The following INSC variants were observed in gnomAD, a reference collection of about 807,000 sequenced individuals.
INSC encodes the protein INSC spindle orientation adaptor protein, also known as protein inscuteable homolog.
Under a neutral mutation model 58.6 loss-of-function variants are expected in INSC, and 67 were observed. The ratio of observed to expected loss-of-function variants is 1.14; its 90% confidence interval spans 0.94 to 1.40. The LOEUF (loss-of-function observed/expected upper bound fraction) is 1.40, where lower values mean the gene tolerates loss of function less well. Ranked by LOEUF, INSC falls within the 40% of genes most tolerant of loss-of-function variation. INSC has a pLI of 0.00. For synonymous variants in INSC, 262 were observed against 276.1 expected, an observed-to-expected ratio of 0.95 and a Z score of 0.51; for missense variants, 714 against 692.0, an observed-to-expected ratio of 1.03 and a Z score of -0.36.
intron 5 of INSC, among the ~76,000 whole-genome samples, chr11:15,183,430 T>C (rs183056101): frequency 7.9e-4 from 71 of 89,792 alleles, no homozygotes; most frequent in African/African-American, 2.3e-3. Flanking sequence ...TTCAGATATA[T>C]TGTAGTGTGT....
intron 6 of INSC, among the ~76,000 whole-genome samples, chr11:15,192,906 T>C (rs1158977817): frequency 6.6e-6 from 1 of 152,220 alleles, no homozygotes; most frequent in Non-Finnish European, 1.5e-5. Context: ...AGAATTCACA[T>C]ATATTTGACT....
At chr11:15,224,513 T>C (rs1411075838) in intron 8 of INSC, among the ~76,000 whole-genome samples, 4 of 152,236 alleles carry the variant, frequency 2.6e-5, no homozygotes, top group African/African-American at 9.6e-5. Context: ...TCTCCCAAAC[T>C]TTCTTTCTCT....
intron 6 of INSC, among the ~76,000 whole-genome samples, chr11:15,199,241 C>T (rs1485814631): frequency 2.6e-5 from 4 of 152,170 alleles, no homozygotes; most frequent in Non-Finnish European, 5.9e-5. Context: ...AAGTTATGCC[C>T]TTTCACACCA....
chr11:15,248,400 G>C (rs1419881187), downstream of INSC, among the ~76,000 whole-genome samples: 4 of 152,162 alleles, frequency 2.6e-5, no homozygotes, highest in Non-Finnish European at 5.9e-5. Context: ...AGTGGAGAAA[G>C]GTAAATAACT....
chr11:15,214,900 A>T (rs1851156104), intron 7 of INSC, among the ~76,000 whole-genome samples: 2 of 152,174 alleles, frequency 1.3e-5, no homozygotes, highest in Non-Finnish European at 2.9e-5. Context: ...TCTGCCTTCC[A>T]CTACAGAATG....
intron 1 of INSC, among the ~76,000 whole-genome samples, chr11:15,143,546 G>A (rs1321913588): frequency 1.3e-5 from 2 of 152,168 alleles, no homozygotes; most frequent in East Asian, 1.9e-4. Context: ...GCCATGGCAG[G>A]GTTTGGTCTT....
intron 12 of INSC, among the ~76,000 whole-genome samples, chr11:15,240,962 T>C (rs138190711): frequency 5.5e-4 from 84 of 152,310 alleles, no homozygotes; most frequent in African/African-American, 2.0e-3. Flanking sequence ...TCTTCCAGCA[T>C]TGTAGCTCTC....
At chr11:15,165,806 C>G (rs1395067674) in intron 2 of INSC, among the ~76,000 whole-genome samples, 3 of 151,914 alleles carry the variant, frequency 2.0e-5, no homozygotes, top group African/African-American at 7.3e-5. Context: ...TGTAAGGCTG[C>G]TAAGGAAGAA....
the INSC span, among the ~76,000 whole-genome samples, chr11:15,260,245 A>G: frequency 6.6e-6 from 1 of 152,156 alleles, no homozygotes; most frequent in Admixed American, 6.6e-5. Context: ...GACACAGGAT[A>G]GTGGCTGTAA....
chr11:15,222,365 G>T (rs943992030), intron 8 of INSC, among the ~76,000 whole-genome samples: 3 of 152,052 alleles, frequency 2.0e-5, no homozygotes, highest in African/African-American at 7.2e-5. Context: ...CACTCTCTTT[G>T]TATCTAATTG....
intron 12 of INSC, 127 bp from the exon 13 acceptor site, chr11:15,245,785 T>C: frequency 7.9e-7 from 1 of 1,270,388 alleles, no homozygotes; most frequent in Non-Finnish European, 1.1e-6. Flanking sequence ...GCTAACATGA[T>C]GATCAACCCA....
chr11:15,266,836 AG>A, the INSC span, among the ~76,000 whole-genome samples: 10 of 151,978 alleles, frequency 6.6e-5, no homozygotes, highest in African/African-American at 2.2e-4. Context: ...TTCCCAGGTA[AG>A]TTTAGAAAAG....
chr11:15,117,267 T>C (rs2133677100), intron 1 of INSC, among the ~76,000 whole-genome samples: 1 of 152,146 alleles, frequency 6.6e-6, no homozygotes, highest in Middle Eastern at 3.4e-3. Flanking sequence ...TTAGTGTTTA[T>C]GGTTTAGTCT....
chr11:15,152,022 A>C (rs1792579), intron 2 of INSC, among the ~76,000 whole-genome samples: 113,776 of 152,082 alleles, frequency 0.75, 43,622 homozygotes, highest in African/African-American at 0.8. Context: ...TTGTTATGGG[A>C]TGGATACTCC....
At chr11:15,130,261 A>C (rs1848094729) in intron 1 of INSC, among the ~76,000 whole-genome samples, 1 of 152,068 alleles carries the variant, frequency 6.6e-6, no homozygotes, top group Non-Finnish European at 1.5e-5. Context: ...AGTTTAAGAG[A>C]TGTCTCTTCT....
chr11:15,254,879 CAAATAAATGGA>C, the INSC span, among the ~76,000 whole-genome samples: 387 of 152,284 alleles, frequency 2.5e-3, 4 homozygotes, highest in African/African-American at 8.4e-3. Context: ...AATTACAGAG[CAAATAAATGGA>C]AAAGCTGGGA....
chr11:15,229,969 TATATATATATTATATA>T (rs1851811935), intron 9 of INSC, among the ~76,000 whole-genome samples: 1 of 12,652 alleles, frequency 7.9e-5, no homozygotes, highest in Non-Finnish European at 1.3e-4. Context: ...TTTATATATA[TATATATATATTATATA>T]TATATATATA....
At chr11:15,210,569 T>C (rs1055551949) in intron 7 of INSC, among the ~76,000 whole-genome samples, 6 of 149,014 alleles carry the variant, frequency 4.0e-5, no homozygotes, top group African/African-American at 1.2e-4. Context: ...TGCAGCAGGC[T>C]TAGCAGGGTA....
At chr11:15,118,221 G>A (rs1355238040) in intron 1 of INSC, among the ~76,000 whole-genome samples, 1 of 152,218 alleles carries the variant, frequency 6.6e-6, no homozygotes, top group Non-Finnish European at 1.5e-5. Flanking sequence ...CCTTGCCTGG[G>A]TCTGTGAGGC....
Sources: gnomAD v4.1 joint callset for allele counts (sites outside exome capture counted in the v4.1 genomes callset) on GRCh38, gnomAD v4.1.1 for gene constraint, MANE v1.5 for transcripts, NCBI Gene and HGNC (gene_info 2026-07-23, HGNC 2026-07-21) for gene names.